The following DENND5A variants were observed in gnomAD, a reference collection of about 807,000 sequenced individuals.
DENND5A encodes DENN domain containing 5A.
DENND5A carries 64 observed loss-of-function variants against 140.3 expected under a neutral mutation model. That is an observed-to-expected ratio of 0.46 (90% CI 0.37 to 0.56). The LOEUF is 0.56. Ranked by LOEUF, DENND5A falls within the 20% of genes least tolerant of loss-of-function variation. The probability of loss-of-function intolerance (pLI) is 0.00; values close to 1 mark genes in which losing one functional copy is unlikely to be tolerated. For synonymous variants in DENND5A, 605 were observed against 607.7 expected, an observed-to-expected ratio of 1.00 and a Z score of 0.07; for missense variants, 1,292 against 1,593.8, an observed-to-expected ratio of 0.81 and a Z score of 3.22.
chr11:9,207,753 T>C (rs2136217357), intron 1 of DENND5A, 121 bp from the exon 2 acceptor site: 1 of 673,782 alleles, frequency 1.5e-6, no homozygotes, highest in East Asian at 2.7e-5. Context: ...TACATGTATG[T>C]GTATACATAA....
chr11:9,154,429 T>A (rs1000197175), intron 12 of DENND5A, among the ~76,000 whole-genome samples: 4 of 152,126 alleles, frequency 2.6e-5, no homozygotes, highest in Non-Finnish European at 5.9e-5. Context: ...GAAAATTTTG[T>A]GCTATGGAAT....
intron 5 of DENND5A, among the ~76,000 whole-genome samples, chr11:9,185,888 T>C (rs940159781): frequency 6.6e-6 from 1 of 152,018 alleles, no homozygotes; most frequent in African/African-American, 2.4e-5. Context: ...TTCTGGATGT[T>C]TACGTGTCTG....
chr11:9,259,799 C>T (rs1219526297), intron 1 of DENND5A, among the ~76,000 whole-genome samples: 2 of 151,986 alleles, frequency 1.3e-5, no homozygotes, highest in South Asian at 2.1e-4. Flanking sequence ...GAGGCCAATG[C>T]GGGTGGGTCA....
At chr11:9,185,770 CTGTG>C (rs765681407) in intron 5 of DENND5A, among the ~76,000 whole-genome samples, 2 of 151,848 alleles carry the variant, frequency 1.3e-5, no homozygotes, top group Non-Finnish European at 2.9e-5. Flanking sequence ...TGGTCTGCGT[CTGTG>C]TGTGTGGCTG....
chr11:9,193,708 C>T, intron 4 of DENND5A, 27 bp from the exon 5 acceptor site: 1 of 1,581,594 alleles, frequency 6.3e-7, no homozygotes, highest in Non-Finnish European at 8.6e-7. Flanking sequence ...AAAAAAAGCA[C>T]ACACACAAAT....
chr11:9,150,230 G>A (rs1372638010), intron 14 of DENND5A, 21 bp from the exon 15 acceptor site: 1 of 1,611,362 alleles, frequency 6.2e-7, no homozygotes, highest in African/African-American at 1.3e-5. Flanking sequence ...AATGTAAAAA[G>A]GAAGTGGAGG....
At chr11:9,188,013 C>G (rs534790233) in intron 5 of DENND5A, among the ~76,000 whole-genome samples, 1 of 152,158 alleles carries the variant, frequency 6.6e-6, no homozygotes, top group Non-Finnish European at 1.5e-5. Context: ...CCCCCTTATA[C>G]GGTCCCAGGT....
At chr11:9,243,116 A>AAAAAG (rs1851316267) in intron 1 of DENND5A, among the ~76,000 whole-genome samples, 1 of 149,016 alleles carries the variant, frequency 6.7e-6, no homozygotes, top group Non-Finnish European at 1.5e-5. Context: ...AAAAAAAAAA[A>AAAAAG]CTGAGGCGAG....
At position 9,179,071 on chromosome 11, in the gene DENND5A, C is replaced by T. The variant is rs77123250; in HGVS notation, c.1458G>A (p.Leu486=). The T allele has an allele frequency of 2.3e-3, 3,787 of 1,612,766 alleles. 68 individuals carry two copies. The African/African-American group carries it at 0.042, about 18-fold the overall frequency. Residue 486 remains leucine (L), a splice_region_variant and synonymous_variant, in exon 7 of 23, where the codon TTG becomes TTA. Transcript: ENST00000328194. ...VKRTGVSLEK[L]EVREDPSSNK... ...TGCTGCTGGGGTCTTCACGCACTTC[C>T]AACTACAAAAAAAGAAAAAGCAGTT...
chr11:9,155,358 G>T (rs1440199620), intron 12 of DENND5A, among the ~76,000 whole-genome samples: 1 of 152,184 alleles, frequency 6.6e-6, no homozygotes, highest in Non-Finnish European at 1.5e-5. Flanking sequence ...CACACATTAA[G>T]TACAGCTGGT....
At chr11:9,225,766 A>AT (rs1358772209) in intron 1 of DENND5A, among the ~76,000 whole-genome samples, 4 of 151,968 alleles carry the variant, frequency 2.6e-5, no homozygotes, top group Non-Finnish European at 1.5e-5. Context: ...TGTCTCAAAA[A>AT]ATATATATAA....
chr11:9,236,156 G>A (rs528697990), intron 1 of DENND5A, among the ~76,000 whole-genome samples: 10 of 151,572 alleles, frequency 6.6e-5, no homozygotes, highest in South Asian at 4.2e-4. Flanking sequence ...CCAGGAGGTC[G>A]AGGCTGCAGT....
At chr11:9,222,552 T>G (rs561215036) in intron 1 of DENND5A, among the ~76,000 whole-genome samples, 1 of 152,326 alleles carries the variant, frequency 6.6e-6, no homozygotes, top group East Asian at 1.9e-4. Context: ...AAGGCAATTT[T>G]TCCCTATAAA....
At chr11:9,244,874 G>C (rs985802836) in intron 1 of DENND5A, among the ~76,000 whole-genome samples, 1 of 151,510 alleles carries the variant, frequency 6.6e-6, no homozygotes, top group Non-Finnish European at 1.5e-5. Flanking sequence ...ACAGGGTTTC[G>C]CCGTGTTGCC....
intron 5 of DENND5A, among the ~76,000 whole-genome samples, chr11:9,187,284 G>C (rs1848948690): frequency 6.6e-6 from 1 of 152,086 alleles, no homozygotes; most frequent in South Asian, 2.1e-4. Flanking sequence ...CTCAGCTGAC[G>C]AGGGGTTACT....
chr11:9,246,900 A>G (rs1006791417), intron 1 of DENND5A, among the ~76,000 whole-genome samples: 1 of 152,190 alleles, frequency 6.6e-6, no homozygotes, highest in Non-Finnish European at 1.5e-5. Flanking sequence ...TTTTGCCTGC[A>G]GCTCCTGCTT....
At chr11:9,206,903 C>A (rs1849709504) in intron 2 of DENND5A, 121 bp from the exon 3 acceptor site, 1 of 686,610 alleles carries the variant, frequency 1.5e-6, no homozygotes. Flanking sequence ...GTTAGTATGC[C>A]AACCATCTAA....
At chr11:9,170,962 T>G in intron 8 of DENND5A, 185 bp from the exon 9 acceptor site, 2 of 1,038,842 alleles carry the variant, frequency 1.9e-6, no homozygotes, top group Non-Finnish European at 2.7e-6. Context: ...ATGATAAACT[T>G]CAGAATACTG....
At position 9,262,718 on chromosome 11, in the gene DENND5A, T is replaced by C. The variant is rs796779232; in HGVS notation, c.109+2243A>G. On this transcript the variant is annotated intron_variant, in intron 1 of 22. Transcript: ENST00000328194. Reference sequence around the variant, plus strand: ...GACCTTAAAAGATAAACTTGAACAATTATTAGGTACTCATCAAAATAATTT... The same window carrying C: ...GACCTTAAAAGATAAACTTGAACAACTATTAGGTACTCATCAAAATAATTT... Among the ~76,000 whole-genome samples the C allele has an allele frequency of 1.0e-4, 15 of 147,480 alleles. 1 individual carries two copies. Among genetic ancestry groups the C allele is most frequent in the African/African-American group, 2.7e-4 (11 of 40,108 alleles).
Sources: allele counts gnomAD v4.1 joint callset (sites outside exome capture counted in the v4.1 genomes callset), GRCh38; gene constraint gnomAD v4.1.1; transcripts MANE v1.5; gene names NCBI Gene and HGNC (gene_info 2026-07-23, HGNC 2026-07-21).